Variants in CSMD1 observed in about 807,000 individuals in gnomAD.
CSMD1 encodes CUB and sushi domain-containing protein 1.
A neutral mutation model predicts 417.5 loss-of-function variants in CSMD1; 213 were observed. The ratio of observed to expected loss-of-function variants is 0.51; its 90% CI spans 0.46 to 0.57. The LOEUF is 0.57. Ranked by LOEUF, CSMD1 falls within the 20% of genes least tolerant of loss-of-function variation. CSMD1 has a pLI of 0.00. For synonymous variants in CSMD1, 2,862 were observed against 1,736.8 expected (o/e 1.65, Z -16.11); for missense variants, 6,923 against 4,529.7 (o/e 1.53, Z -15.17).
chr8:3,311,248 TAACA>T (rs141755796), intron 23 of CSMD1, among the ~76,000 whole-genome samples: 10 of 152,092 alleles, frequency 6.6e-5, no homozygotes, highest in African/African-American at 1.9e-4. Context: ...CCACTACTAA[TAACA>T]AACAACTTTT....
At chr8:4,358,657 G>A (rs1446499982) in intron 3 of CSMD1, among the ~76,000 whole-genome samples, 4 of 152,162 alleles carry the variant, frequency 2.6e-5, no homozygotes, top group Admixed American at 2.0e-4. Flanking sequence ...TCCTTTTAGT[G>A]CTAACTTGGT....
rs111546193 is a variant in CSMD1, at chr8:4,912,798, A to AGGGGG, written c.85+81529_85+81533dup. Among the ~76,000 whole-genome samples the AGGGGG allele has an allele frequency of 2.6e-5, 4 of 151,538 alleles. No individual in the cohort carries two copies. In the East Asian group the frequency reaches 7.8e-4, roughly 30 times the overall value. The stretch of plus-strand genomic sequence containing the variant: ...ATACAGCACCAGCTATTTTTTTTGG[A>AGGGGG]GGGGGGGCACAGAGTCTTGCTCTGT... On this transcript the variant is annotated intron_variant, in intron 1 of 69. Coordinates refer to ENST00000635120, the MANE Select transcript of CSMD1 (RefSeq NM_033225.6).
chr8:3,219,738 C>T (rs113298768), intron 28 of CSMD1, among the ~76,000 whole-genome samples: 6 of 152,074 alleles, frequency 3.9e-5, no homozygotes, highest in Non-Finnish European at 5.9e-5. Context: ...CTATCCTTTC[C>T]GTGTACTCAT....
intron 23 of CSMD1, among the ~76,000 whole-genome samples, chr8:3,331,108 G>C (rs1329396689): frequency 6.6e-6 from 1 of 151,994 alleles, no homozygotes; most frequent in African/African-American, 2.4e-5. Flanking sequence ...CGTGGTGGCG[G>C]GTGCCTGTAG....
At chr8:4,107,644 G>T (rs183027491) in intron 3 of CSMD1, among the ~76,000 whole-genome samples, 2 of 152,118 alleles carry the variant, frequency 1.3e-5, no homozygotes, top group African/African-American at 4.8e-5. Flanking sequence ...GAGCACCACC[G>T]AAAGCTCATT....
At position 4,598,460 on chromosome 8, in the gene CSMD1, A is replaced by G. The variant is rs187054772; in HGVS notation, c.302+38882T>C. ...CCAGGCATGAAATCTGAGTTATTTT[A>G]TTAGTGATGGTGGCTGATGGATGAC... is the stretch of plus-strand genomic sequence containing the variant. On this transcript the variant is annotated intron_variant, in intron 2 of 69. Coordinates refer to ENST00000635120, the MANE Select transcript of CSMD1 (RefSeq NM_033225.6). Among the ~76,000 whole-genome samples the G allele has an allele frequency of 4.7e-4, 71 of 152,326 alleles. No homozygotes were observed. The East Asian group carries it at 0.01, about 22-fold the overall frequency.
At chr8:4,305,862 G>C (rs1333374376) in intron 3 of CSMD1, among the ~76,000 whole-genome samples, 3 of 152,104 alleles carry the variant, frequency 2.0e-5, no homozygotes, top group South Asian at 2.1e-4. Flanking sequence ...TCCCCTTCCA[G>C]TCTTTGCTTA....
chr8:3,258,120 A>G (rs949787591), intron 26 of CSMD1, among the ~76,000 whole-genome samples: 1 of 152,126 alleles, frequency 6.6e-6, no homozygotes, highest in Non-Finnish European at 1.5e-5. Context: ...TGCATGTGGG[A>G]TATGAAAGAC....
intron 23 of CSMD1, among the ~76,000 whole-genome samples, 176 bp downstream of exon 23, chr8:3,343,118 G>C (rs1327036077): frequency 6.6e-6 from 1 of 152,044 alleles, no homozygotes; most frequent in Non-Finnish European, 1.5e-5. Context: ...TAAATTTCAA[G>C]CTACTAGTAA....
intron 18 of CSMD1, among the ~76,000 whole-genome samples, chr8:3,385,117 TATAA>T (rs1810922658): frequency 1.1e-5 from 1 of 89,470 alleles, no homozygotes; most frequent in Non-Finnish European, 2.2e-5. Flanking sequence ...TAAAAATATA[TATAA>T]TATATAAATA....
chr8:4,875,879 A>T (rs1803010220), intron 1 of CSMD1, among the ~76,000 whole-genome samples: 1 of 152,096 alleles, frequency 6.6e-6, no homozygotes, highest in Non-Finnish European at 1.5e-5. Context: ...TATGAAAGCC[A>T]TTTAGTGAAT....
chr8:3,241,952 T>A (rs1432785393), intron 26 of CSMD1, among the ~76,000 whole-genome samples: 7 of 143,272 alleles, frequency 4.9e-5, no homozygotes, highest in African/African-American at 1.8e-4. Flanking sequence ...TAATAAAATG[T>A]ATATTGAGAA....
intron 7 of CSMD1, among the ~76,000 whole-genome samples, chr8:3,627,343 A>T (rs1796543132): frequency 6.6e-6 from 1 of 152,202 alleles, no homozygotes; most frequent in African/African-American, 2.4e-5. Flanking sequence ...ACGTGCGTTA[A>T]GACTTCAATT....
At chr8:3,929,909 G>C (rs1810024042) in intron 5 of CSMD1, among the ~76,000 whole-genome samples, 1 of 150,140 alleles carries the variant, frequency 6.7e-6, no homozygotes, top group African/African-American at 2.5e-5. Flanking sequence ...TGATCTACCT[G>C]CCTCAGCCTC....
chr8:4,033,909 T>A (rs28417797), intron 3 of CSMD1, among the ~76,000 whole-genome samples: 1 of 152,010 alleles, frequency 6.6e-6, no homozygotes, highest in African/African-American at 2.4e-5. Context: ...GGCTATTGTA[T>A]CCATATCTAA....
At chr8:4,391,397 T>G (rs551136067) in intron 3 of CSMD1, among the ~76,000 whole-genome samples, 1 of 152,214 alleles carries the variant, frequency 6.6e-6, no homozygotes, top group South Asian at 2.1e-4. Flanking sequence ...TGTAAGACTT[T>G]GAAGACTAGG....
At chr8:3,986,607 G>A (rs190131205) in intron 5 of CSMD1, among the ~76,000 whole-genome samples, 10 of 152,152 alleles carry the variant, frequency 6.6e-5, no homozygotes, top group Non-Finnish European at 4.4e-5. Flanking sequence ...CCCAAGCCAT[G>A]CAACATACCT....
intron 3 of CSMD1, among the ~76,000 whole-genome samples, chr8:4,412,209 C>T (rs1796688073): frequency 6.6e-6 from 1 of 152,048 alleles, no homozygotes; most frequent in Non-Finnish European, 1.5e-5. Flanking sequence ...TAAATTGTAA[C>T]CCCCAGTATT....
chr8:3,701,948 G>C (rs552002286), intron 7 of CSMD1, among the ~76,000 whole-genome samples: 26 of 152,168 alleles, frequency 1.7e-4, no homozygotes, highest in Admixed American at 1.3e-4. Context: ...AACTAGGGGC[G>C]AATATCATTC....
Sources: gnomAD v4.1 joint callset for allele counts (sites outside exome capture counted in the v4.1 genomes callset) on GRCh38, gnomAD v4.1.1 for gene constraint, MANE v1.5 for transcripts, NCBI Gene and HGNC (gene_info 2026-07-23, HGNC 2026-07-21) for gene names.